Variants in L3MBTL4 observed in about 807,000 individuals in gnomAD.
L3MBTL4 encodes lethal(3)malignant brain tumor-like protein 4.
L3MBTL4 carries 70 observed loss-of-function variants against 84.5 expected under a neutral mutation model. The observed-to-expected ratio is 0.83, with a 90% CI of 0.68 to 1.01. The LOEUF is 1.01. Among genes scored for constraint, L3MBTL4 ranks in the 50% least tolerant of loss-of-function variants. L3MBTL4 has a pLI of 0.00. For synonymous variants in L3MBTL4, 274 were observed against 259.8 expected (o/e 1.05, Z -0.52); for missense variants, 715 against 754.8 (o/e 0.95, Z 0.62).
At position 6,239,676 on chromosome 18, in the gene L3MBTL4, A is replaced by T. The variant is rs764430583; in HGVS notation, c.707+42T>A. The T allele has an allele frequency of 3.1e-6, 5 of 1,590,254 alleles. No individual in the cohort carries two copies. The South Asian group carries it at 5.5e-5, about 18-fold the overall frequency. On this transcript the variant is annotated intron_variant, in intron 9 of 18. Coordinates refer to ENST00000317931, the MANE Select transcript of L3MBTL4 (RefSeq NM_001330559.2). ...AATGAAAACAAATTCTTAACATCAA[A>T]CATATGAATACACAAAAATAAAACA...
chr18:5,964,502 T>A (rs1172148208), intron 17 of L3MBTL4, among the ~76,000 whole-genome samples: 1 of 151,580 alleles, frequency 6.6e-6, no homozygotes, highest in Non-Finnish European at 1.5e-5. Flanking sequence ...ACAGCAGAGT[T>A]TATTTGCCTT....
chr18:6,276,004 C>T (rs2049063624), intron 4 of L3MBTL4, among the ~76,000 whole-genome samples: 1 of 152,172 alleles, frequency 6.6e-6, no homozygotes. Context: ...GGAAATTCCT[C>T]GTGGACAAAG....
At chr18:6,232,362 G>T (rs1345627969) in intron 10 of L3MBTL4, among the ~76,000 whole-genome samples, 6 of 151,804 alleles carry the variant, frequency 4.0e-5, no homozygotes, top group African/African-American at 1.5e-4. Flanking sequence ...TTGTTTCTTT[G>T]TTTGGCTTTG....
At chr18:6,089,996 G>A (rs76511111) in intron 15 of L3MBTL4, among the ~76,000 whole-genome samples, 13,603 of 152,200 alleles carry the variant, frequency 0.089, 787 homozygotes, top group Non-Finnish European at 0.13. Flanking sequence ...CAAAGGTTAT[G>A]TATGTGCAAA....
Position 5,988,780 on chromosome 18 carries a change from C to T in L3MBTL4, c.1445-19218G>A, listed in dbSNP as rs1004806769. 7.2e-5 allele frequency among the ~76,000 whole-genome samples: 11 copies of T among 152,206 alleles called. No homozygotes were observed. The South Asian group carries it at 8.3e-4, about 12-fold the overall frequency. On this transcript the variant is annotated intron_variant, in intron 16 of 18. Coordinates refer to ENST00000317931, the MANE Select transcript of L3MBTL4 (RefSeq NM_001330559.2). ...CATCTGAGGAGATGTGGGCATCTGG[C>T]GATGCCCATACCAATTAAAAGAGTT... is the stretch of plus-strand genomic sequence containing the variant.
chr18:6,154,051 T>C (rs1474532870), intron 13 of L3MBTL4, among the ~76,000 whole-genome samples: 1 of 152,214 alleles, frequency 6.6e-6, no homozygotes, highest in Non-Finnish European at 1.5e-5. Context: ...GCCTTTCATT[T>C]CTTTTTCTTC....
At chr18:6,017,769 A>G (rs1428342261) in intron 16 of L3MBTL4, 1 of 152,198 alleles carries the variant, frequency 6.6e-6, no homozygotes, top group Non-Finnish European at 1.5e-5. Context: ...TGAACTCACA[A>G]CTGTCCCTCT....
At chr18:6,047,539 A>C (rs1467810197) in intron 16 of L3MBTL4, among the ~76,000 whole-genome samples, 2 of 152,244 alleles carry the variant, frequency 1.3e-5, no homozygotes, top group Admixed American at 1.3e-4. Context: ...AATACATCAA[A>C]AAGTTAATTC....
intron 12 of L3MBTL4, among the ~76,000 whole-genome samples, chr18:6,209,119 A>T (rs1212605440): frequency 1.3e-5 from 2 of 152,196 alleles, no homozygotes; most frequent in Non-Finnish European, 2.9e-5. Flanking sequence ...GAATAGAAAC[A>T]TGGATATCTT....
intron 5 of L3MBTL4, among the ~76,000 whole-genome samples, chr18:6,255,265 T>C (rs1476709560): frequency 6.6e-6 from 1 of 152,210 alleles, no homozygotes; most frequent in Non-Finnish European, 1.5e-5. Context: ...GACATTCAGC[T>C]TCCAGCTGGA....
intron 5 of L3MBTL4, among the ~76,000 whole-genome samples, chr18:6,245,402 G>A (rs541572914): frequency 6.6e-6 from 1 of 151,960 alleles, no homozygotes; most frequent in Non-Finnish European, 1.5e-5. Context: ...ACCCTGGATA[G>A]CATCACTTTA....
At chr18:6,198,962 A>T (rs2045528901) in intron 12 of L3MBTL4, among the ~76,000 whole-genome samples, 1 of 152,350 alleles carries the variant, frequency 6.6e-6, no homozygotes, top group African/African-American at 2.4e-5. Context: ...GAAATTAATC[A>T]TTATGTAATT....
chr18:6,173,260 G>A (rs142450501), intron 12 of L3MBTL4, among the ~76,000 whole-genome samples: 21 of 152,170 alleles, frequency 1.4e-4, no homozygotes, highest in Non-Finnish European at 2.9e-4. Flanking sequence ...GAATATTTTC[G>A]GACATCGGAC....
intron 18 of L3MBTL4, among the ~76,000 whole-genome samples, chr18:5,958,068 A>G (rs374859228): frequency 0.11 from 4,081 of 36,178 alleles, 171 homozygotes; most frequent in East Asian, 0.4. Context: ...GAAGGAGAAG[A>G]AGAAGAAGAA....
At chr18:6,100,302 C>A (rs1304826894) in intron 14 of L3MBTL4, among the ~76,000 whole-genome samples, 1 of 152,156 alleles carries the variant, frequency 6.6e-6, no homozygotes, top group Non-Finnish European at 1.5e-5. Flanking sequence ...TACTAATTAT[C>A]CCATTTATTG....
At chr18:6,057,810 C>T (rs936106224) in intron 16 of L3MBTL4, among the ~76,000 whole-genome samples, 1 of 152,166 alleles carries the variant, frequency 6.6e-6, no homozygotes, top group African/African-American at 2.4e-5. Context: ...CAGCAGTAAC[C>T]ATAGCAACAA....
chr18:5,984,694 T>C (rs918162876), intron 16 of L3MBTL4, among the ~76,000 whole-genome samples: 1 of 152,250 alleles, frequency 6.6e-6, no homozygotes, highest in Non-Finnish European at 1.5e-5. Context: ...TTGCTGCTCA[T>C]GTTCTCATTT....
chr18:6,282,860 A>G (rs2049384234), intron 4 of L3MBTL4, among the ~76,000 whole-genome samples: 1 of 152,130 alleles, frequency 6.6e-6, no homozygotes, highest in Non-Finnish European at 1.5e-5. Context: ...AAATAAGTGG[A>G]CAGATGAGAA....
chr18:6,285,589 G>A (rs2049536188), intron 4 of L3MBTL4, among the ~76,000 whole-genome samples: 1 of 151,770 alleles, frequency 6.6e-6, no homozygotes, highest in South Asian at 2.1e-4. Context: ...AGAAGTCAGG[G>A]AAAAAGCACC....
Sources: gnomAD v4.1 joint callset for allele counts (sites outside exome capture counted in the v4.1 genomes callset) on GRCh38, gnomAD v4.1.1 for gene constraint, MANE v1.5 for transcripts, NCBI Gene and HGNC (gene_info 2026-07-23, HGNC 2026-07-21) for gene names.